The following PKHD1L1 variants were observed in gnomAD, a reference collection of about 807,000 sequenced individuals.
PKHD1L1 encodes fibrocystin-L.
A neutral mutation model predicts 462.9 loss-of-function variants in PKHD1L1; 434 were observed. That is an observed-to-expected ratio of 0.94 (90% CI 0.87 to 1.02). The LOEUF is 1.02. PKHD1L1 is among the 50% of genes least tolerant of loss of function. The probability of loss-of-function intolerance (pLI) is 0.00; values close to 1 mark genes in which losing one functional copy is unlikely to be tolerated. For synonymous variants in PKHD1L1, 1,781 were observed against 1,750.0 expected, an observed-to-expected ratio of 1.02 and a Z score of -0.44; for missense variants, 5,202 against 5,096.1, an observed-to-expected ratio of 1.02 and a Z score of -0.63.
chr8:109,456,532 G>GTTGAGAGAGCTGCTTTGAATCT, intron 46 of PKHD1L1, 141 bp downstream of exon 46: 1 of 765,526 alleles, frequency 1.3e-6, no homozygotes, highest in Non-Finnish European at 1.9e-6. Flanking sequence ...GCCAAATACA[G>GTTGAGAGAGCTGCTTTGAATCT]ATTTGCCAAG....
At chr8:109,493,532 C>A in intron 62 of PKHD1L1, 129 bp from the exon 63 acceptor site, 1 of 481,844 alleles carries the variant, frequency 2.1e-6, no homozygotes, top group Non-Finnish European at 3.5e-6. Context: ...ATAATAAATA[C>A]AAATTTTCCT....
In PKHD1L1 at chr8:109,425,160, C is replaced by G; in HGVS notation, c.2773C>G (p.Gln925Glu). 6.2e-7 allele frequency: 1 copy of G among 1,609,950 alleles called. No individual in the cohort carries two copies. The highest frequency in any genetic ancestry group is 8.5e-7 in the Non-Finnish European group (1 of 1,178,262). The change falls in exon 24 of 78, where the codon CAA (glutamine) becomes GAA (glutamate). Residue 925 changes from glutamine to glutamate, a missense_variant. This residue lies in a region of PKHD1L1 where 4,497 missense variants were observed against 4,336.8 expected (regional missense o/e 1.04). Coordinates refer to ENST00000378402, the MANE Select transcript of PKHD1L1 (RefSeq NM_177531.6). ...GCCAGGCGAGTCAAAAATTCATATT[C>G]AAAGAATTCAAGCTGCATCTCCACC... is the stretch of plus-strand genomic sequence containing the variant. ...NWPGESKIHI[Q>E]RIQAASPPLS...
At chr8:109,406,614 G>T in intron 17 of PKHD1L1, 136 bp downstream of exon 17, 8 of 1,030,106 alleles carry the variant, frequency 7.8e-6, no homozygotes, top group Non-Finnish European at 1.1e-5. Context: ...TTTTTTCTAC[G>T]GTAATTTAAA....
At chr8:109,397,275 G>A (rs901263534) in intron 11 of PKHD1L1, among the ~76,000 whole-genome samples, 2 of 152,144 alleles carry the variant, frequency 1.3e-5, no homozygotes, top group Admixed American at 6.5e-5. Flanking sequence ...AAAACATGAT[G>A]TTTATGTGTC....
At chr8:109,514,665 G>A (rs111565782) in intron 71 of PKHD1L1, among the ~76,000 whole-genome samples, 3 of 152,218 alleles carry the variant, frequency 2.0e-5, no homozygotes, top group African/African-American at 7.2e-5. Flanking sequence ...GATCATAGCT[G>A]AGAGCATGAA....
At chr8:109,388,746 G>A (rs1356812396) in intron 7 of PKHD1L1, among the ~76,000 whole-genome samples, 196 bp downstream of exon 7, 3 of 152,072 alleles carry the variant, frequency 2.0e-5, no homozygotes, top group Non-Finnish European at 2.9e-5. Flanking sequence ...AAGATAGTAT[G>A]ATATGAACTA....
intron 72 of PKHD1L1, among the ~76,000 whole-genome samples, chr8:109,517,027 T>C (rs1405897656): frequency 1.3e-5 from 2 of 152,070 alleles, no homozygotes; most frequent in African/African-American, 4.8e-5. Flanking sequence ...TAATAAAACA[T>C]TTCCAAAACC....
intron 18 of PKHD1L1, among the ~76,000 whole-genome samples, chr8:109,409,315 C>T (rs1156416840): frequency 6.6e-6 from 1 of 151,616 alleles, no homozygotes; most frequent in East Asian, 1.9e-4. Flanking sequence ...GTGGTGTGAT[C>T]TCCACTCACT....
In PKHD1L1 at chr8:109,530,886, A is replaced by T. The variant is rs1351640448; in HGVS notation, c.*796A>T. 6.6e-6 allele frequency among the ~76,000 whole-genome samples: 1 copy of T among 152,180 alleles called. No homozygotes were observed. The highest frequency in any genetic ancestry group is 1.5e-5 in the Non-Finnish European group (1 of 68,030). On this transcript the variant is annotated 3_prime_UTR_variant, in exon 78 of 78. Transcript: ENST00000378402. The stretch of plus-strand genomic sequence containing the variant: ...TGCTTATTCACTGTTTACTGGATGA[A>T]TGAAGTATAAAGTGTGGGAAGTCAA...
intron 23 of PKHD1L1, among the ~76,000 whole-genome samples, chr8:109,421,124 C>T (rs1295325537): frequency 6.6e-6 from 1 of 151,298 alleles, no homozygotes; most frequent in African/African-American, 2.4e-5. Flanking sequence ...CCAGAAGGAC[C>T]TGAACAATTT....
At chr8:109,485,637 CA>C (rs994272343) in intron 58 of PKHD1L1, among the ~76,000 whole-genome samples, 2 of 151,936 alleles carry the variant, frequency 1.3e-5, no homozygotes, top group Non-Finnish European at 2.9e-5. Context: ...CTTACAGGAG[CA>C]GGGCCTTCCC....
chr8:109,363,166 TGATAA>T (rs567380379), intron 1 of PKHD1L1, among the ~76,000 whole-genome samples: 171 of 152,246 alleles, frequency 1.1e-3, no homozygotes, highest in Middle Eastern at 3.4e-3. Flanking sequence ...GGGAAGAGAC[TGATAA>T]GATAAGAAAT....
intron 23 of PKHD1L1, among the ~76,000 whole-genome samples, chr8:109,422,846 G>C (rs1586478031): frequency 6.6e-6 from 1 of 152,076 alleles, no homozygotes; most frequent in African/African-American, 2.4e-5. Context: ...AGCAGTGTAC[G>C]ATCCAGTTTC....
chr8:109,429,291 G>A (rs375273263), intron 25 of PKHD1L1, 49 bp from the exon 26 acceptor site: 51 of 1,383,764 alleles, frequency 3.7e-5, no homozygotes, highest in African/African-American at 3.4e-4. Context: ...AACTAGTGTC[G>A]TCATATTTGT....
chr8:109,405,786 A>G (rs1238689240), intron 16 of PKHD1L1, among the ~76,000 whole-genome samples: 1 of 152,150 alleles, frequency 6.6e-6, no homozygotes, highest in Non-Finnish European at 1.5e-5. Context: ...GGTGCAGCAA[A>G]CCACCATGAC....
chr8:109,480,146 G>A lies in PKHD1L1; in HGVS notation c.9327+7G>A. 1.3e-6 allele frequency: 2 copies of A among 1,545,382 alleles called. No homozygotes were observed. The highest frequency in any genetic ancestry group is 1.2e-5 in the South Asian group (1 of 80,274). On this transcript the variant is annotated splice_region_variant and intron_variant, in intron 55 of 77. Transcript: ENST00000378402. Reference sequence around the variant, plus strand: ...TACCTACATATCACTGCAGGTAAGAGTGAGGGCCTTGTAGTTTATATCTTT... The same window carrying A: ...TACCTACATATCACTGCAGGTAAGAATGAGGGCCTTGTAGTTTATATCTTT...
intron 72 of PKHD1L1, among the ~76,000 whole-genome samples, chr8:109,517,383 T>C (rs1820324816): frequency 6.6e-6 from 1 of 152,130 alleles, no homozygotes; most frequent in Non-Finnish European, 1.5e-5. Flanking sequence ...TTCTTTTTCC[T>C]AGTAAGCCTC....
At position 109,471,066 on chromosome 8, in the gene PKHD1L1, CT is replaced by C; in HGVS notation, c.8606-4051del. ...TTAACACCTTCTGCGATGAAATCTT[CT>C]CCTCAAATTCCTCATCAAACATACA... On this transcript the variant is annotated intron_variant, in intron 50 of 77. Coordinates refer to ENST00000378402, the MANE Select transcript of PKHD1L1 (RefSeq NM_177531.6). The C allele has an allele frequency of 1.9e-6, 3 of 1,577,900 alleles. No individual in the cohort carries two copies. In the Admixed American group the frequency reaches 5.0e-5, roughly 26 times the overall value.
At chr8:109,521,176 T>C (rs528575983) in intron 73 of PKHD1L1, among the ~76,000 whole-genome samples, 24 of 152,296 alleles carry the variant, frequency 1.6e-4, no homozygotes, top group African/African-American at 5.8e-4. Context: ...CATAGTGTCA[T>C]GTCAGACCTG....
Sources: gnomAD v4.1 joint callset for allele counts (sites outside exome capture counted in the v4.1 genomes callset) on GRCh38, gnomAD v4.1.1 for gene constraint, gnomAD v4.1.1 regional missense constraint, MANE v1.5 for transcripts, NCBI Gene and HGNC (gene_info 2026-07-23, HGNC 2026-07-21) for gene names.